Variants in STAT1 observed in about 807,000 individuals in gnomAD.
STAT1 encodes the protein signal transducer and activator of transcription 1, also known as signal transducer and activator of transcription 1-alpha/beta.
A neutral mutation model predicts 111.7 loss-of-function variants in STAT1; 24 were observed. That is an observed-to-expected ratio of 0.21 (90% CI 0.16 to 0.30). The LOEUF is 0.30. Ranked by LOEUF, STAT1 falls within the 10% of genes least tolerant of loss-of-function variation. The pLI, the probability that STAT1 is intolerant of heterozygous loss-of-function variation, is 1.00. For synonymous variants in STAT1, 332 were observed against 326.5 expected (o/e 1.02, Z -0.18); for missense variants, 351 against 911.9 (o/e 0.38, Z 7.92).
At position 191,004,853 on chromosome 2, in the gene STAT1, C is replaced by T. The variant is rs1163928967; in HGVS notation, c.372+2710G>A. 6.6e-6 allele frequency among the ~76,000 whole-genome samples: 1 copy of T among 152,136 alleles called. No individual in the cohort carries two copies. The highest frequency in any genetic ancestry group is 2.4e-5 in the African/African-American group (1 of 41,434). On this transcript the variant is annotated intron_variant, in intron 5 of 24. Coordinates refer to ENST00000361099, the MANE Select transcript of STAT1 (RefSeq NM_007315.4). The surrounding 1 kb of genome is among the most constrained non-coding windows in gnomAD (Gnocchi z 5.0). ...AGCTTAGAATCCACCTCATGTCTTT[C>T]CCTCCCACCTGAAAGAAATTCTCCC...
rs1008911737 is a variant in STAT1, at chr2:190,993,471, T to C, written c.944+1590A>G. ...ATGTAGCTTTCTGTATATGTTATCA[T>C]CTGCAAACCTAAGAAGGAGGCAAGA... On this transcript the variant is annotated intron_variant, in intron 10 of 24. Transcript: ENST00000361099. This position sits in a 1 kb window ranked among gnomAD's most constrained non-coding sequence, Gnocchi z 4.1. 1.8e-5 allele frequency: 21 copies of C among 1,195,248 alleles called. No individual in the cohort carries two copies. The highest frequency in any genetic ancestry group is 2.6e-5 in the Non-Finnish European group (21 of 821,610). 74.0% of individuals were successfully genotyped at this position (1,195,248 alleles called of 1,614,324 possible).
chr2:190,976,029 G>C lies in STAT1; in HGVS notation c.2060-142C>G. 1 of 727,230 alleles carries C rather than the reference G, an allele frequency of 1.4e-6. No individual in the cohort carries two copies. The highest frequency in any genetic ancestry group is 2.4e-6 in the Non-Finnish European group (1 of 416,478). 45.0% of individuals were successfully genotyped at this position (727,230 alleles called of 1,614,324 possible). On this transcript the variant is annotated intron_variant, in intron 22 of 24. Coordinates refer to ENST00000361099, the MANE Select transcript of STAT1 (RefSeq NM_007315.4). The surrounding 1 kb of genome is among the most constrained non-coding windows in gnomAD (Gnocchi z 6.0). ...AACTTTAAGGAGCTATAACCTCCCT[G>C]CCTGAGTCACCTAAAATTCTAGTGG...
rs750953103 is a variant in STAT1, at chr2:190,998,357, C to T, written c.542-49G>A. On this transcript the variant is annotated intron_variant, in intron 7 of 24. Transcript: ENST00000361099. This position sits in a 1 kb window ranked among gnomAD's most constrained non-coding sequence, Gnocchi z 4.1. ...AAATATATAAAGAAGACAAAACCAACAAAAGCCAAGATTCATATAAATTTA... is the reference window on the plus strand; with the variant it reads ...AAATATATAAAGAAGACAAAACCAATAAAAGCCAAGATTCATATAAATTTA... 7.0e-7 allele frequency: 1 copy of T among 1,422,612 alleles called. No individual in the cohort carries two copies. The highest frequency in any genetic ancestry group is 1.1e-5 in the South Asian group (1 of 87,142). The allele number at this position is 1,422,612 out of a possible 1,614,324, so 88.1% of individuals were successfully genotyped here.
chr2:190,970,618 CAGGATGTGA>C lies in STAT1; in HGVS notation c.*76_*84del. 6.8e-7 allele frequency: 1 copy of C among 1,464,646 alleles called. No individual in the cohort carries two copies. Among genetic ancestry groups the C allele is most frequent in the Non-Finnish European group, 9.6e-7 (1 of 1,045,680 alleles). 90.7% of individuals were successfully genotyped at this position (1,464,646 alleles called of 1,614,324 possible). A position where few individuals can be genotyped will look rare whatever the true frequency, so the allele number is the denominator to read the frequency against. On this transcript the variant is annotated 3_prime_UTR_variant, in exon 25 of 25. Coordinates refer to ENST00000361099, the MANE Select transcript of STAT1 (RefSeq NM_007315.4). The surrounding 1 kb of genome is among the most constrained non-coding windows in gnomAD (Gnocchi z 5.4). ...CCTTTCTTTCATTTCCCTAGAAACA[CAGGATGTGA>C]AGGAACAGAGTAGCAGGAGGGAATC... is the stretch of plus-strand genomic sequence containing the variant.
rs1171181752 is a variant in STAT1, at chr2:190,987,407, G to A, written c.1098-339C>T. On this transcript the variant is annotated intron_variant, in intron 12 of 24. Coordinates refer to ENST00000361099, the MANE Select transcript of STAT1 (RefSeq NM_007315.4). This position sits in a 1 kb window ranked among gnomAD's most constrained non-coding sequence, Gnocchi z 4.0. ...TCAATAAATGTAAGCACCAGCACCAGTACACCCTCAATAAATGTTTAAGCT... is the reference window on the plus strand; with the variant it reads ...TCAATAAATGTAAGCACCAGCACCAATACACCCTCAATAAATGTTTAAGCT... Among the ~76,000 whole-genome samples, 1 of 152,198 alleles carries A rather than the reference G, an allele frequency of 6.6e-6. No homozygotes were observed. Among genetic ancestry groups the A allele is most frequent in the African/African-American group, 2.4e-5 (1 of 41,446 alleles).
rs1257355617 is a variant in STAT1 at position 190,978,660 on chromosome 2, T to C, written c.1873+196A>G. The C allele has an allele frequency of 1.4e-6, 1 of 695,246 alleles. No individual in the cohort carries two copies. The highest frequency in any genetic ancestry group is 1.7e-5 in the South Asian group (1 of 57,576). The allele number at this position is 695,246 out of a possible 1,614,324, so 43.1% of individuals were successfully genotyped here. A position where few individuals can be genotyped will look rare whatever the true frequency, so the allele number is the denominator to read the frequency against. On this transcript the variant is annotated intron_variant, in intron 21 of 24. Transcript: ENST00000361099. This position sits in a 1 kb window ranked among gnomAD's most constrained non-coding sequence, Gnocchi z 6.1. ...CTTTTCAAAACCATCATTTCCACAA[T>C]ATGTTCCAGAGAGTGAACCACAACC...
chr2:191,007,659 A>G lies in STAT1; in HGVS notation c.276T>C (p.Asp92=), dbSNP rs976958803. The G allele has an allele frequency of 1.9e-6, 3 of 1,609,904 alleles. No individual in the cohort carries two copies. Among genetic ancestry groups the G allele is most frequent in the Non-Finnish European group, 2.5e-6 (3 of 1,176,550 alleles). Reference sequence around the variant, plus strand: ...TCTGGATTGGGTCTTCCTGAAAATTATCCTAGATTTGAGTGGTTAGAACAA... The same window carrying G: ...TCTGGATTGGGTCTTCCTGAAAATTGTCCTAGATTTGAGTGGTTAGAACAA... The part of the protein sequence containing the change: ...NIRKSKRNLQ[D]NFQEDPIQMS... Residue 92 remains aspartate, a splice_region_variant and synonymous_variant, in exon 5 of 25, where the codon GAT becomes GAC. Transcript: ENST00000361099. This position sits in a 1 kb window ranked among gnomAD's most constrained non-coding sequence, Gnocchi z 4.2.
Position 190,974,749 on chromosome 2 carries a change from C to G in STAT1, c.2238+81G>C, listed in dbSNP as rs781769221. 1.7e-5 allele frequency: 21 copies of G among 1,271,830 alleles called. No individual in the cohort carries two copies. The African/African-American group carries it at 2.8e-4, about 17-fold the overall frequency. 78.8% of individuals were successfully genotyped at this position (1,271,830 alleles called of 1,614,324 possible). ...CAGGGCTCCCTCCCGCAGACAGGCC[C>G]GGGATCTGCCATGGTGCGCTCCCTG... On this transcript the variant is annotated intron_variant, in intron 24 of 24. Transcript: ENST00000361099. This position sits in a 1 kb window ranked among gnomAD's most constrained non-coding sequence, Gnocchi z 4.8.
chr2:190,979,556 A>G lies in STAT1; in HGVS notation c.1727+216T>C, dbSNP rs1458956625. On this transcript the variant is annotated intron_variant, in intron 20 of 24. Coordinates refer to ENST00000361099, the MANE Select transcript of STAT1 (RefSeq NM_007315.4). This position sits in a 1 kb window ranked among gnomAD's most constrained non-coding sequence, Gnocchi z 5.8. ...CACTCAAGAGTTGTTTTTTTTTTTTAATTTAGCTTTGCCAATACATATACT... is the reference window on the plus strand; with the variant it reads ...CACTCAAGAGTTGTTTTTTTTTTTTGATTTAGCTTTGCCAATACATATACT... 2.0e-5 allele frequency among the ~76,000 whole-genome samples: 3 copies of G among 149,580 alleles called. No homozygotes were observed. Among genetic ancestry groups the G allele is most frequent in the Non-Finnish European group, 4.4e-5 (3 of 67,506 alleles).
At position 190,977,824 on chromosome 2, in the gene STAT1, G is replaced by C. The variant is rs1692027631; in HGVS notation, c.1874-799C>G. ...GGAAGGGAACAGGATAAGAGGAAAA[G>C]GGCAGGTTCTAATGACTACTGCCCA... On this transcript the variant is annotated intron_variant, in intron 21 of 24. Transcript: ENST00000361099. The surrounding 1 kb of genome is among the most constrained non-coding windows in gnomAD (Gnocchi z 4.7). Among the ~76,000 whole-genome samples the C allele has an allele frequency of 6.6e-6, 1 of 152,164 alleles. No individual in the cohort carries two copies. Among genetic ancestry groups the C allele is most frequent in the Non-Finnish European group, 1.5e-5 (1 of 68,038 alleles).
Position 191,006,903 on chromosome 2 carries a change from T to A in STAT1, c.372+660A>T, listed in dbSNP as rs1694742650. Among the ~76,000 whole-genome samples the A allele has an allele frequency of 6.6e-6, 1 of 152,218 alleles. No individual in the cohort carries two copies. Among genetic ancestry groups the A allele is most frequent in the African/African-American group, 2.4e-5 (1 of 41,454 alleles). ...CAAAACAAAGCCCTTGATTTTCCCA[T>A]CAGCCTCCTTTTCTCTCCACAAACC... On this transcript the variant is annotated intron_variant, in intron 5 of 24. Transcript: ENST00000361099. This position sits in a 1 kb window ranked among gnomAD's most constrained non-coding sequence, Gnocchi z 4.6.
In STAT1 at chr2:190,999,782, T is replaced by A. The variant is rs962781874; in HGVS notation, c.463-78A>T. Reference sequence around the variant, plus strand: ...TTTAGGCAACAGAGTATTGCTTCTATGGAACCCAGAGAAACACGAAAACAA... The same window carrying A: ...TTTAGGCAACAGAGTATTGCTTCTAAGGAACCCAGAGAAACACGAAAACAA... On this transcript the variant is annotated intron_variant, in intron 6 of 24. Coordinates refer to ENST00000361099, the MANE Select transcript of STAT1 (RefSeq NM_007315.4). The surrounding 1 kb of genome is among the most constrained non-coding windows in gnomAD (Gnocchi z 4.1). 4.1e-5 allele frequency: 42 copies of A among 1,018,068 alleles called. No homozygotes were observed. In the African/African-American group the frequency reaches 6.2e-4, roughly 15 times the overall value. 63.1% of individuals were successfully genotyped at this position (1,018,068 alleles called of 1,614,324 possible). A position where few individuals can be genotyped will look rare whatever the true frequency, so the allele number is the denominator to read the frequency against.
Position 190,970,728 on chromosome 2 carries a change from A to T in STAT1, c.2239-11T>A, listed in dbSNP as rs780752494. The T allele has an allele frequency of 6.2e-7, 1 of 1,612,962 alleles. No individual in the cohort carries two copies. Among genetic ancestry groups the T allele is most frequent in the Non-Finnish European group, 8.5e-7 (1 of 1,179,212 alleles). ...CTATACTGTGTTCATCTGTAAAAAG[A>T]CAAAATGTGGTTAAGTTTATTACAC... On this transcript the variant is annotated splice_polypyrimidine_tract_variant and intron_variant, in intron 24 of 24. Transcript: ENST00000361099. This position sits in a 1 kb window ranked among gnomAD's most constrained non-coding sequence, Gnocchi z 5.4.
Position 190,998,158 on chromosome 2 carries a change from G to A in STAT1, c.633+59C>T. 1 of 1,569,878 alleles carries A rather than the reference G, an allele frequency of 6.4e-7. No individual in the cohort carries two copies. The highest frequency in any genetic ancestry group is 8.8e-7 in the Non-Finnish European group (1 of 1,140,846). On this transcript the variant is annotated intron_variant, in intron 8 of 24. Coordinates refer to ENST00000361099, the MANE Select transcript of STAT1 (RefSeq NM_007315.4). The surrounding 1 kb of genome is among the most constrained non-coding windows in gnomAD (Gnocchi z 4.1). ...ATTTTTCCTCTCTTCTAAACTTTGA[G>A]TCCATTATTTACAGTGTATAACAAA...
rs111547797 is a variant in STAT1 at position 190,986,182 on chromosome 2, A to G, written c.1222-522T>C. Among the ~76,000 whole-genome samples, 31 of 152,306 alleles carry G rather than the reference A, an allele frequency of 2.0e-4. No homozygotes were observed. The highest frequency in any genetic ancestry group is 7.0e-4 in the African/African-American group (29 of 41,570). On this transcript the variant is annotated intron_variant, in intron 14 of 24. Transcript: ENST00000361099. The surrounding 1 kb of genome is among the most constrained non-coding windows in gnomAD (Gnocchi z 5.0). ...TCGAGTTAGGTAGAGCTTCCTAGCTACGAGGCTTGCTGGATCACAAAGTGG... is the reference window on the plus strand; with the variant it reads ...TCGAGTTAGGTAGAGCTTCCTAGCTGCGAGGCTTGCTGGATCACAAAGTGG...
At chr2:191,008,616 G>A (rs1237759050) in intron 4 of STAT1, among the ~76,000 whole-genome samples, 1 of 152,152 alleles carries the variant, frequency 6.6e-6, no homozygotes, top group African/African-American at 2.4e-5. Flanking sequence ...GAGCTTTAAT[G>A]TATTACTATA....
rs1347908956 is a variant in STAT1 at position 190,987,504 on chromosome 2, A to C, written c.1098-436T>G. ...AAGCACTGGGGATCCAGCCAACAGC[A>C]CTGCCCAGTAGTCACAAAGCTCAGA... On this transcript the variant is annotated intron_variant, in intron 12 of 24. Coordinates refer to ENST00000361099, the MANE Select transcript of STAT1 (RefSeq NM_007315.4). This position sits in a 1 kb window ranked among gnomAD's most constrained non-coding sequence, Gnocchi z 4.0. Among the ~76,000 whole-genome samples, 1 of 152,244 alleles carries C rather than the reference A, an allele frequency of 6.6e-6. No individual in the cohort carries two copies. The highest frequency in any genetic ancestry group is 1.5e-5 in the Non-Finnish European group (1 of 68,038).
intron 5 of STAT1, 88 bp from the exon 6 acceptor site, chr2:191,001,251 C>G: frequency 2.1e-6 from 2 of 974,706 alleles, no homozygotes; most frequent in Non-Finnish European, 3.3e-6. Context: ...CCCCACTTGC[C>G]TTCCAGATCT....
chr2:190,976,755 C>T lies in STAT1; in HGVS notation c.2059+85G>A. On this transcript the variant is annotated intron_variant, in intron 22 of 24. Transcript: ENST00000361099. This position sits in a 1 kb window ranked among gnomAD's most constrained non-coding sequence, Gnocchi z 6.0. ...TACTCTTACCAATTCGAAAGCAAAA[C>T]ACTGCATGGGTGGAGTTTCAGAATA... 8.1e-7 allele frequency: 1 copy of T among 1,237,448 alleles called. No homozygotes were observed. Among genetic ancestry groups the T allele is most frequent in the South Asian group, 1.2e-5 (1 of 81,940 alleles). 76.7% of individuals were successfully genotyped at this position (1,237,448 alleles called of 1,614,324 possible).
Sources: allele counts gnomAD v4.1 joint callset (sites outside exome capture counted in the v4.1 genomes callset), GRCh38; gene constraint gnomAD v4.1.1; non-coding constraint Gnocchi (gnomAD v3.1); transcripts MANE v1.5; gene names NCBI Gene and HGNC (gene_info 2026-07-23, HGNC 2026-07-21).